Variants in ITGB2 observed in about 807,000 individuals in gnomAD.
The protein encoded by ITGB2 is integrin subunit beta 2, also known as integrin beta-2.
ITGB2 carries 56 observed loss-of-function variants against 86.8 expected under a neutral mutation model. The ratio of observed to expected loss-of-function variants is 0.65; its 90% confidence interval spans 0.52 to 0.81. ITGB2 has a LOEUF of 0.81. Among genes scored for constraint, ITGB2 ranks in the 30% least tolerant of loss-of-function variants. The pLI is 0.00. For missense variants in ITGB2, 948 were observed against 1,061.2 expected (o/e 0.89, Z 1.48); for synonymous variants, 457 against 450.4 (o/e 1.01, Z -0.19).
chr21:44,907,449 C>T (rs1398715210), intron 3 of ITGB2, among the ~76,000 whole-genome samples: 6 of 152,246 alleles, frequency 3.9e-5, no homozygotes, highest in African/African-American at 1.4e-4. Flanking sequence ...TCAGCAGAAC[C>T]TTTGTCCAAG....
upstream of ITGB2, among the ~76,000 whole-genome samples, chr21:44,924,129 C>G (rs2084343033): frequency 6.6e-6 from 1 of 152,056 alleles, no homozygotes; most frequent in South Asian, 2.1e-4. Context: ...ACAGATCTCT[C>G]TCAGAAATAA....
At chr21:44,915,214 C>T (rs1197065662) in intron 1 of ITGB2, among the ~76,000 whole-genome samples, 8 of 152,096 alleles carry the variant, frequency 5.3e-5, no homozygotes, top group Non-Finnish European at 8.8e-5. Context: ...TTAGTAGAGA[C>T]GAGGTTTCAT....
At chr21:44,918,979 C>T (rs1301819113) in intron 1 of ITGB2, among the ~76,000 whole-genome samples, 1 of 152,176 alleles carries the variant, frequency 6.6e-6, no homozygotes, top group Non-Finnish European at 1.5e-5. Context: ...TCCCCTCTCC[C>T]AGCACTCGGA....
At position 44,886,822 on chromosome 21, in the gene ITGB2, C is replaced by T; in HGVS notation, c.2161G>A (p.Val721Ile). ...AGGTGGATCAGAGCCTTCCAGATGA[C>T]CAGCAGGAGAATGCCGATCAGCACG... ...GIVLIGILLL[V>I]IWKALIHLSD... Residue 721 changes from valine (V) to isoleucine (I), a missense_variant, in exon 15 of 16, where the codon GTC (valine) becomes ATC (isoleucine). Coordinates refer to ENST00000652462, the MANE Select transcript of ITGB2 (RefSeq NM_000211.5). 6.2e-7 allele frequency: 1 copy of T among 1,613,928 alleles called. No individual in the cohort carries two copies.
At position 44,909,885 on chromosome 21, in the gene ITGB2, G is replaced by A. The variant is rs144665791; in HGVS notation, c.147+399C>T. The stretch of plus-strand genomic sequence containing the variant: ...ATAAGGGCTGTGTTTGGTGGGTCCC[G>A]TCACTGGCCCCAAACCTGCTGACTC... On this transcript the variant is annotated intron_variant, in intron 3 of 15. Transcript: ENST00000652462. 7.6e-3 allele frequency among the ~76,000 whole-genome samples: 1,160 copies of A among 152,308 alleles called. 13 individuals carry two copies. The highest frequency in any genetic ancestry group is 0.026 in the African/African-American group (1,088 of 41,572).
Position 44,910,294 on chromosome 21 carries a change from C to T in ITGB2, c.137G>A (p.Cys46Tyr). The T allele has an allele frequency of 6.2e-7, 1 of 1,614,048 alleles. No homozygotes were observed. The highest frequency in any genetic ancestry group is 8.5e-7 in the Non-Finnish European group (1 of 1,179,984). The part of the protein sequence containing the change: ...CIESGPGCTW[C>Y]QKLNFTGPGD... ...CCAGGAGGCACTTACCAGCTTCTGGCACCAGGTGCAGCCGGGCCCCGACTC... is the reference window on the plus strand; with the variant it reads ...CCAGGAGGCACTTACCAGCTTCTGGTACCAGGTGCAGCCGGGCCCCGACTC... Residue 46 changes from cysteine to tyrosine, a missense_variant, in exon 3 of 16, where the codon TGC becomes TAC. By Grantham distance (194) the Cys-to-Tyr change is radical. Coordinates refer to ENST00000652462, the MANE Select transcript of ITGB2 (RefSeq NM_000211.5).
chr21:44,904,444 C>T (rs1316917774), intron 4 of ITGB2, among the ~76,000 whole-genome samples: 2 of 151,832 alleles, frequency 1.3e-5, no homozygotes, highest in East Asian at 1.9e-4. Flanking sequence ...CACACACGCA[C>T]CCACATATAC....
intron 12 of ITGB2, 102 bp downstream of exon 12, chr21:44,889,876 C>A (rs1363762426): frequency 3.3e-6 from 5 of 1,509,470 alleles, no homozygotes; most frequent in Non-Finnish European, 4.5e-6. Flanking sequence ...TCCTCAGGAT[C>A]CCCCCTTTCT....
chr21:44,901,681 A>T lies in ITGB2; in HGVS notation c.552T>A (p.Pro184=). 1 of 1,613,916 alleles carries T rather than the reference A, an allele frequency of 6.2e-7. No individual in the cohort carries two copies. The highest frequency in any genetic ancestry group is 8.5e-7 in the Non-Finnish European group (1 of 1,179,724). ...KTVLPFVNTH[P]DKLRNPCPNK... is the part of the protein sequence containing the mutation. ...TGGGGCATGGGTTTCGCAGCTTATC[A>T]GGGTGCGTGTTCACGAACGGCAGCA... is the stretch of plus-strand genomic sequence containing the variant. The change falls in exon 6 of 16, where the codon CCT becomes CCA. Residue 184 remains proline (P), a synonymous_variant. Transcript: ENST00000652462.
intron 5 of ITGB2, among the ~76,000 whole-genome samples, chr21:44,901,985 C>A (rs1295988061): frequency 6.6e-6 from 1 of 152,128 alleles, no homozygotes; most frequent in Admixed American, 6.5e-5. Context: ...CATGTGTGTT[C>A]CTGCATGTAT....
rs565750991 is a variant in ITGB2 at position 44,915,917 on chromosome 21, TTTTG to T, written c.-4+4900_-4+4903del. Among the ~76,000 whole-genome samples, 1,395 of 152,110 alleles carry T rather than the reference TTTTG, an allele frequency of 9.2e-3. 11 individuals are homozygous for T. Among genetic ancestry groups the T allele is most frequent in the Admixed American group, 0.02 (308 of 15,256 alleles). ...CTATCTGTGAAGTTTGATAGCACAG[TTTTG>T]TTTGTTTGTTTGTTTTTTTGAGATG... On this transcript the variant is annotated intron_variant, in intron 1 of 15. Coordinates refer to ENST00000652462, the MANE Select transcript of ITGB2 (RefSeq NM_000211.5).
At chr21:44,900,884 T>C (rs545300395) in intron 6 of ITGB2, among the ~76,000 whole-genome samples, 1 of 152,286 alleles carries the variant, frequency 6.6e-6, no homozygotes, top group Admixed American at 6.5e-5. Flanking sequence ...AGTCCACCAT[T>C]GACAGCCCCT....
At chr21:44,925,689 C>A (rs928657452), upstream of ITGB2, among the ~76,000 whole-genome samples, 8 of 152,114 alleles carry the variant, frequency 5.3e-5, no homozygotes, top group South Asian at 4.2e-4. Flanking sequence ...CAAACAGCAA[C>A]AAAGAAAACC....
chr21:44,910,463 A>C (rs745904280), intron 2 of ITGB2, 91 bp from the exon 3 acceptor site: 21 of 1,596,448 alleles, frequency 1.3e-5, no homozygotes, highest in Middle Eastern at 1.7e-4. Context: ...GAGGAGGCCC[A>C]AAAAGACAGG....
Position 44,899,135 on chromosome 21 carries a change from G to A in ITGB2, c.925C>T (p.His309Tyr), listed in dbSNP as rs2083910600. ...TGGATGTTGTTTTCAGCCAGCTTGT[G>A]CGCCAGCTGGCCCACCGATGGGTAG... ...FDYPSVGQLA[H>Y]KLAENNIQPI... The change falls in exon 8 of 16, where the codon CAC becomes TAC. Residue 309 changes from histidine to tyrosine, a missense_variant. His to Tyr is a moderately conservative substitution (Grantham distance 83). Transcript: ENST00000652462. 1 of 1,614,152 alleles carries A rather than the reference G, an allele frequency of 6.2e-7. No individual in the cohort carries two copies. Among genetic ancestry groups the A allele is most frequent in the Non-Finnish European group, 8.5e-7 (1 of 1,180,002 alleles).
chr21:44,899,124 A>C lies in ITGB2; in HGVS notation c.936T>G (p.Ala312=). The C allele has an allele frequency of 6.2e-7, 1 of 1,614,200 alleles. No individual in the cohort carries two copies. Residue 312 remains alanine (A), a synonymous_variant, in exon 8 of 16, where the codon GCT becomes GCG. Transcript: ENST00000652462. ...PSVGQLAHKL[A]ENNIQPIFAV... Reference sequence around the variant, plus strand: ...CGAAGATGGGCTGGATGTTGTTTTCAGCCAGCTTGTGCGCCAGCTGGCCCA... The same window carrying C: ...CGAAGATGGGCTGGATGTTGTTTTCCGCCAGCTTGTGCGCCAGCTGGCCCA...
chr21:44,915,495 G>A (rs970788083), intron 1 of ITGB2, among the ~76,000 whole-genome samples: 3 of 152,212 alleles, frequency 2.0e-5, no homozygotes, highest in Admixed American at 6.5e-5. Context: ...TCGGAGGTGC[G>A]CGGGAAGTGA....
At position 44,903,375 on chromosome 21, in the gene ITGB2, G is replaced by A. The variant is rs775889701; in HGVS notation, c.489C>T (p.Ser163=). 21 of 1,613,976 alleles carry A rather than the reference G, an allele frequency of 1.3e-5. No homozygotes were observed. Among genetic ancestry groups the A allele is most frequent in the Middle Eastern group, 1.6e-4 (1 of 6,084 alleles). ...GTGCCTGGGCCTCACCAATGCGGCC[G>A]GACTCGGTGATCTCGTTGAGGGCCC... ...LLRALNEITE[S]GRIGFGSFVD... The change falls in exon 5 of 16, where the codon TCC becomes TCT. Residue 163 remains serine (S), a synonymous_variant. Transcript: ENST00000652462.
rs2083817796 is a variant in ITGB2, at chr21:44,893,336, T to C, written c.1224+68A>G. Reference sequence around the variant, plus strand: ...CCTCAGTGTGCTGGGATGGGGACCCTGGCTCCTTCTGGCTGTCCCCAGAGC... The same window carrying C: ...CCTCAGTGTGCTGGGATGGGGACCCCGGCTCCTTCTGGCTGTCCCCAGAGC... On this transcript the variant is annotated intron_variant, in intron 10 of 15. Transcript: ENST00000652462. 4 of 1,593,948 alleles carry C rather than the reference T, an allele frequency of 2.5e-6. No homozygotes were observed. The Admixed American group carries it at 6.7e-5, about 27-fold the overall frequency.
Sources: gnomAD v4.1 joint callset for allele counts (sites outside exome capture counted in the v4.1 genomes callset) on GRCh38, gnomAD v4.1.1 for gene constraint, MANE v1.5 for transcripts, NCBI Gene and HGNC (gene_info 2026-07-23, HGNC 2026-07-21) for gene names.